Variants in THSD4 observed in about 807,000 individuals in gnomAD.
THSD4 encodes thrombospondin type 1 domain containing 4, also known as thrombospondin type-1 domain-containing protein 4.
A neutral mutation model predicts 119.0 loss-of-function variants in THSD4; 69 were observed. The observed-to-expected ratio is 0.58, with a 90% CI of 0.48 to 0.71. The LOEUF is 0.71. THSD4 is among the 30% of genes least tolerant of loss of function. The probability of loss-of-function intolerance (pLI) is 0.00; values close to 1 mark genes in which losing one functional copy is unlikely to be tolerated. For synonymous variants in THSD4, 524 were observed against 540.4 expected (o/e 0.97, Z 0.42); for missense variants, 1,393 against 1,391.1 (o/e 1.00, Z -0.02).
At chr15:71,341,469 G>A (rs748570147) in intron 6 of THSD4, 5 of 1,613,270 alleles carry the variant, frequency 3.1e-6, no homozygotes, top group East Asian at 2.2e-5. Context: ...TTGGGCCACC[G>A]ACCTTGTGTC....
At chr15:71,332,892 A>ATTTTTTTTTTTTTTTTCTTTTTT in intron 6 of THSD4, among the ~76,000 whole-genome samples, 1 of 76,940 alleles carries the variant, frequency 1.3e-5, no homozygotes, top group Non-Finnish European at 2.6e-5. Context: ...ATTTTTTTAC[A>ATTTTTTTTTTTTTTTTCTTTTTT]TTTTTTTTTT....
intron 7 of THSD4, among the ~76,000 whole-genome samples, chr15:71,441,785 C>T (rs2047098156): frequency 6.6e-6 from 1 of 152,044 alleles, no homozygotes; most frequent in Non-Finnish European, 1.5e-5. Flanking sequence ...AAGTTCCTAA[C>T]TTTTCTGAGC....
chr15:71,388,185 T>G (rs914734759), intron 6 of THSD4, among the ~76,000 whole-genome samples: 1 of 152,248 alleles, frequency 6.6e-6, no homozygotes, highest in African/African-American at 2.4e-5. Flanking sequence ...GCAATCAGTT[T>G]GCGTTTTTAA....
intron 2 of THSD4, among the ~76,000 whole-genome samples, chr15:71,148,797 G>A (rs1234478725): frequency 6.6e-6 from 1 of 152,220 alleles, no homozygotes; most frequent in African/African-American, 2.4e-5. Flanking sequence ...AAGAGTCCAG[G>A]CCAAGGGTCT....
chr15:71,615,098 G>A (rs1484131152), intron 7 of THSD4, among the ~76,000 whole-genome samples: 1 of 152,186 alleles, frequency 6.6e-6, no homozygotes, highest in Non-Finnish European at 1.5e-5. Flanking sequence ...TACTTTCTAT[G>A]TAAATTGATT....
intron 7 of THSD4, among the ~76,000 whole-genome samples, chr15:71,580,142 A>C (rs1459324526): frequency 6.6e-6 from 1 of 152,184 alleles, no homozygotes; most frequent in Admixed American, 6.5e-5. Context: ...ATGCTAGGAT[A>C]GTTCCAAGGA....
At chr15:71,660,189 A>G (rs1373306968) in intron 7 of THSD4, among the ~76,000 whole-genome samples, 1 of 152,144 alleles carries the variant, frequency 6.6e-6, no homozygotes, top group Admixed American at 6.5e-5. Flanking sequence ...GAGATTCTTT[A>G]TATAAAAATC....
At chr15:71,532,182 A>AAG (rs1005885511) in intron 7 of THSD4, among the ~76,000 whole-genome samples, 2 of 151,706 alleles carry the variant, frequency 1.3e-5, no homozygotes, top group African/African-American at 4.8e-5. Context: ...GCCTAGAGGG[A>AAG]AGAGAGACAT....
chr15:71,567,320 G>A (rs2049261026), intron 7 of THSD4, among the ~76,000 whole-genome samples: 1 of 152,068 alleles, frequency 6.6e-6, no homozygotes, highest in Non-Finnish European at 1.5e-5. Flanking sequence ...GGTTCTACTG[G>A]TGAAAACACC....
intron 7 of THSD4, among the ~76,000 whole-genome samples, chr15:71,618,863 C>A (rs911694915): frequency 1.3e-5 from 2 of 152,114 alleles, no homozygotes; most frequent in African/African-American, 4.8e-5. Context: ...CAGACATAAG[C>A]CACCGTGCAC....
At chr15:71,562,769 C>T (rs534272945) in intron 7 of THSD4, among the ~76,000 whole-genome samples, 3 of 145,996 alleles carry the variant, frequency 2.1e-5, no homozygotes, top group Non-Finnish European at 4.5e-5. Flanking sequence ...ATGGCGCAAT[C>T]TCAGCTCACT....
chr15:71,346,014 C>T (rs2045655672), intron 6 of THSD4, among the ~76,000 whole-genome samples: 2 of 152,106 alleles, frequency 1.3e-5, no homozygotes, highest in South Asian at 4.1e-4. Flanking sequence ...ATATTGCTAC[C>T]ACCCAGTCCC....
Position 71,115,631 on chromosome 15 carries a change from G to T in THSD4, c.-147G>T, listed in dbSNP as rs1198735428. On this transcript the variant is annotated 5_prime_UTR_variant, in exon 1 of 18. Coordinates refer to ENST00000261862, the MANE Select transcript of THSD4 (RefSeq NM_024817.3). This position sits in a 1 kb window ranked among gnomAD's most constrained non-coding sequence, Gnocchi z 4.4. ...GCGGCGGCGCTCGGGGCTGCCCGGC[G>T]CCGGGAACCACGCGGGGGCGAGGCG... 6.8e-6 allele frequency: 1 copy of T among 147,196 alleles called. No homozygotes were observed. Among genetic ancestry groups the T allele is most frequent in the Non-Finnish European group, 1.5e-5 (1 of 66,108 alleles). 9.1% of individuals were successfully genotyped at this position (147,196 alleles called of 1,614,324 possible). A position where few individuals can be genotyped will look rare whatever the true frequency, so the allele number is the denominator to read the frequency against.
chr15:71,582,651 T>G (rs2049582606), intron 7 of THSD4, among the ~76,000 whole-genome samples: 1 of 152,170 alleles, frequency 6.6e-6, no homozygotes, highest in African/African-American at 2.4e-5. Context: ...TTGCGGTATA[T>G]TTCTTCTATA....
chr15:71,504,584 A>G (rs191091458), intron 7 of THSD4, among the ~76,000 whole-genome samples: 12 of 152,352 alleles, frequency 7.9e-5, no homozygotes, highest in Admixed American at 7.8e-4. Flanking sequence ...ATACTTCATT[A>G]TTTGGATTAA....
intron 7 of THSD4, among the ~76,000 whole-genome samples, chr15:71,468,471 C>T (rs915883764): frequency 1.3e-5 from 2 of 152,204 alleles, no homozygotes; most frequent in African/African-American, 4.8e-5. Context: ...CAAAACACCA[C>T]CAGAGGTGAC....
chr15:71,256,243 G>T (rs939231216), intron 5 of THSD4, among the ~76,000 whole-genome samples: 3 of 152,176 alleles, frequency 2.0e-5, no homozygotes, highest in African/African-American at 7.2e-5. Flanking sequence ...GGGAGGCTGA[G>T]GCGGGTGGAT....
chr15:71,218,259 C>T (rs567963721), intron 4 of THSD4, among the ~76,000 whole-genome samples: 1 of 152,282 alleles, frequency 6.6e-6, no homozygotes, highest in South Asian at 2.1e-4. Context: ...AGTGGACAAG[C>T]TGAGTTTTGA....
chr15:71,383,372 A>G (rs1197842320), intron 6 of THSD4, among the ~76,000 whole-genome samples: 2 of 152,322 alleles, frequency 1.3e-5, no homozygotes, highest in East Asian at 3.9e-4. Flanking sequence ...GAACATTTAT[A>G]TCTCAAAGGC....
Sources: allele counts gnomAD v4.1 joint callset (sites outside exome capture counted in the v4.1 genomes callset), GRCh38; gene constraint gnomAD v4.1.1; non-coding constraint Gnocchi (gnomAD v3.1); transcripts MANE v1.5; gene names NCBI Gene and HGNC (gene_info 2026-07-23, HGNC 2026-07-21).